The following SRF variants were observed in gnomAD, a reference collection of about 807,000 sequenced individuals.
SRF encodes the protein c-fos serum response element-binding transcription factor.
In SRF, 7 loss-of-function variants were observed where a neutral mutation model predicts 37.1. That is an observed-to-expected ratio of 0.19 (90% CI 0.11 to 0.35). The LOEUF is 0.35. Among genes scored for constraint, SRF ranks in the 10% least tolerant of loss-of-function variants. SRF has a pLI of 1.00. For missense variants in SRF, 395 were observed against 694.4 expected, an observed-to-expected ratio of 0.57 and a Z score of 4.85; for synonymous variants, 285 against 310.1, an observed-to-expected ratio of 0.92 and a Z score of 0.85.
At chr6:43,177,898 G>C (rs1360693931) in intron 4 of SRF, among the ~76,000 whole-genome samples, 1 of 143,760 alleles carries the variant, frequency 7.0e-6, no homozygotes, top group Non-Finnish European at 1.5e-5. Context: ...CTGGGTGACA[G>C]AGTGAGACTC....
intron 2 of SRF, 58 bp downstream of exon 2, chr6:43,174,171 T>C (rs772963836): frequency 3.2e-5 from 51 of 1,588,166 alleles, no homozygotes; most frequent in Non-Finnish European, 4.4e-5. Context: ...TCTCCCTTTC[T>C]GGCCCAGGAC....
Position 43,171,859 on chromosome 6 carries a change from C to G in SRF, c.203C>G (p.Pro68Arg). The change falls in exon 1 of 7, where the codon CCG becomes CGG. Residue 68 changes from proline to arginine, a missense_variant. This residue lies in a region of SRF where 134 missense variants were observed against 204.5 expected (regional missense o/e 0.66). Transcript: ENST00000265354. This position sits in a 1 kb window ranked among gnomAD's most constrained non-coding sequence, Gnocchi z 6.5. ...GCTGCGGCAGCGGCGGCAACCACCC[C>G]GGCGCCCACCGCGGGGGCCCTCTAC... ...REAAAAAATT[P>R]APTAGALYSG... 4.6e-6 allele frequency: 6 copies of G among 1,308,842 alleles called. No homozygotes were observed. The highest frequency in any genetic ancestry group is 5.8e-6 in the Non-Finnish European group (6 of 1,031,382). The allele number at this position is 1,308,842 out of a possible 1,614,324, so 81.1% of individuals were successfully genotyped here. A position where few individuals can be genotyped will look rare whatever the true frequency, so the allele number is the denominator to read the frequency against.
Position 43,172,180 on chromosome 6 carries a change from G to C in SRF, c.513+11G>C, listed in dbSNP as rs568225727. The C allele has an allele frequency of 2.5e-6, 4 of 1,606,258 alleles. No individual in the cohort carries two copies. Among genetic ancestry groups the C allele is most frequent in the East Asian group, 2.2e-5 (1 of 44,650 alleles). On this transcript the variant is annotated intron_variant, in intron 1 of 6. Transcript: ENST00000265354. This position sits in a 1 kb window ranked among gnomAD's most constrained non-coding sequence, Gnocchi z 5.7. ...GGCATCATGAAGAAGGTACCAAGCC[G>C]GGGGGCTGGCCGGCCCCGGGGCCCG...
At position 43,179,335 on chromosome 6, in the gene SRF, C is replaced by T; in HGVS notation, c.*145C>T. On this transcript the variant is annotated 3_prime_UTR_variant, in exon 7 of 7. Transcript: ENST00000265354. The surrounding 1 kb of genome is among the most constrained non-coding windows in gnomAD (Gnocchi z 5.3). ...GGGCAGCCACAGGACTGAGCCCTCT[C>T]ACTCCAGCCAAAGAAATGGGCCTGC... The T allele has an allele frequency of 1.3e-6, 1 of 791,912 alleles. No homozygotes were observed. The highest frequency in any genetic ancestry group is 2.4e-5 in the Admixed American group (1 of 42,296). The allele number at this position is 791,912 out of a possible 1,614,324, so 49.1% of individuals were successfully genotyped here.
Position 43,176,720 on chromosome 6 carries a change from A to G in SRF, c.1162+53A>G. The G allele has an allele frequency of 5.0e-6, 8 of 1,592,310 alleles. No individual in the cohort carries two copies. Among genetic ancestry groups the G allele is most frequent in the Non-Finnish European group, 6.0e-6 (7 of 1,165,464 alleles). ...CTCCCTGCCTTCCCCCACGAGGCCT[A>G]GCAGTAGGTGCCCAACAGTAACCCT... On this transcript the variant is annotated intron_variant, in intron 4 of 6. Transcript: ENST00000265354. This position sits in a 1 kb window ranked among gnomAD's most constrained non-coding sequence, Gnocchi z 4.0.
In SRF at chr6:43,179,844, C is replaced by T. The variant is rs2150498385; in HGVS notation, c.*654C>T. On this transcript the variant is annotated 3_prime_UTR_variant, in exon 7 of 7. Transcript: ENST00000265354. The surrounding 1 kb of genome is among the most constrained non-coding windows in gnomAD (Gnocchi z 5.3). Reference sequence around the variant, plus strand: ...GGGAACCACCAGCGTTCCCTTCTCCCCCTTGTCTTCCCCCCTCTCCTCCCA... The same window carrying T: ...GGGAACCACCAGCGTTCCCTTCTCCTCCTTGTCTTCCCCCCTCTCCTCCCA... The T allele has an allele frequency of 6.5e-6, 1 of 152,864 alleles. No individual in the cohort carries two copies. Among genetic ancestry groups the T allele is most frequent in the East Asian group, 1.9e-4 (1 of 5,182 alleles). 9.5% of individuals were successfully genotyped at this position (152,864 alleles called of 1,614,324 possible). A position where few individuals can be genotyped will look rare whatever the true frequency, so the allele number is the denominator to read the frequency against.
At position 43,176,420 on chromosome 6, in the gene SRF, T is replaced by G. The variant is rs1330829728; in HGVS notation, c.1043-128T>G. On this transcript the variant is annotated intron_variant, in intron 3 of 6. Coordinates refer to ENST00000265354, the MANE Select transcript of SRF (RefSeq NM_003131.4). This position sits in a 1 kb window ranked among gnomAD's most constrained non-coding sequence, Gnocchi z 4.0. The stretch of plus-strand genomic sequence containing the variant: ...CTTGGGCCTGAAGGGCCTCTTTGGC[T>G]TCCAGGAAAGATAGTGATGGGAGTT... The G allele has an allele frequency of 1.4e-6, 2 of 1,460,736 alleles. No homozygotes were observed. Among genetic ancestry groups the G allele is most frequent in the African/African-American group, 2.8e-5 (2 of 71,234 alleles). The allele number at this position is 1,460,736 out of a possible 1,614,324, so 90.5% of individuals were successfully genotyped here.
rs767353248 is a variant in SRF at position 43,173,844 on chromosome 6, C to T, written c.514-3C>T. 113 of 1,613,052 alleles carry T rather than the reference C, an allele frequency of 7.0e-5. 1 individual carries two copies. In the Middle Eastern group the frequency reaches 2.6e-3, roughly 38 times the overall value. On this transcript the variant is annotated splice_region_variant and splice_polypyrimidine_tract_variant and intron_variant, in intron 1 of 6. Coordinates refer to ENST00000265354, the MANE Select transcript of SRF (RefSeq NM_003131.4). This position sits in a 1 kb window ranked among gnomAD's most constrained non-coding sequence, Gnocchi z 4.2. ...CCTGCCCATCTCCCTCCTCACCCCT[C>T]AGGCCTATGAGCTGTCCACGCTGAC... is the stretch of plus-strand genomic sequence containing the variant.
chr6:43,178,828 G>A lies in SRF; in HGVS notation c.1377G>A (p.Leu459=). The stretch of plus-strand genomic sequence containing the variant: ...TAGGTGGCGTCCCCCAGGTGTTCCT[G>A]ACAGCATCATCTGGGACAGTGCAGA... The part of the protein sequence containing the change: ...QEPGGVPQVF[L]TASSGTVQIP... Residue 459 remains leucine (L), a synonymous_variant, in exon 6 of 7, where the codon CTG becomes CTA. Coordinates refer to ENST00000265354, the MANE Select transcript of SRF (RefSeq NM_003131.4). This position sits in a 1 kb window ranked among gnomAD's most constrained non-coding sequence, Gnocchi z 4.3. The A allele has an allele frequency of 6.2e-7, 1 of 1,614,202 alleles. No individual in the cohort carries two copies. Among genetic ancestry groups the A allele is most frequent in the Non-Finnish European group, 8.5e-7 (1 of 1,180,030 alleles).
chr6:43,175,510 TATC>T (rs965414777), intron 2 of SRF, among the ~76,000 whole-genome samples, 193 bp from the exon 3 acceptor site: 1 of 152,214 alleles, frequency 6.6e-6, no homozygotes, highest in Non-Finnish European at 1.5e-5. Flanking sequence ...GGGTAGGTAT[TATC>T]CTCCTTTTAC....
rs1327768954 is a variant in SRF, at chr6:43,179,860, T to G, written c.*670T>G. 6.6e-6 allele frequency: 1 copy of G among 152,582 alleles called. No individual in the cohort carries two copies. Among genetic ancestry groups the G allele is most frequent in the Non-Finnish European group, 1.5e-5 (1 of 68,014 alleles). The allele number at this position is 152,582 out of a possible 1,614,324, so 9.5% of individuals were successfully genotyped here. ...CCCTTCTCCCCCTTGTCTTCCCCCC[T>G]CTCCTCCCAGCTGCTTTACTTAAAG... On this transcript the variant is annotated 3_prime_UTR_variant, in exon 7 of 7. Coordinates refer to ENST00000265354, the MANE Select transcript of SRF (RefSeq NM_003131.4). This position sits in a 1 kb window ranked among gnomAD's most constrained non-coding sequence, Gnocchi z 5.3.
Position 43,171,707 on chromosome 6 carries a change from C to A in SRF, c.51C>A (p.Ala17=). ...CGGCGGCTCTGGGCCGGGGCTCGGCCCTGGGGGGCAGCCTGAACCGGACCC... is the reference window on the plus strand; with the variant it reads ...CGGCGGCTCTGGGCCGGGGCTCGGCACTGGGGGGCAGCCTGAACCGGACCC... ...GAAAALGRGS[A]LGGSLNRTPT... is the part of the protein sequence containing the mutation. Residue 17 remains alanine (A), a synonymous_variant, in exon 1 of 7, where the codon GCC becomes GCA. Transcript: ENST00000265354. The surrounding 1 kb of genome is among the most constrained non-coding windows in gnomAD (Gnocchi z 6.5). 1 of 1,206,776 alleles carries A rather than the reference C, an allele frequency of 8.3e-7. No individual in the cohort carries two copies. Among genetic ancestry groups the A allele is most frequent in the Non-Finnish European group, 1.0e-6 (1 of 971,016 alleles). 74.8% of individuals were successfully genotyped at this position (1,206,776 alleles called of 1,614,324 possible). A position where few individuals can be genotyped will look rare whatever the true frequency, so the allele number is the denominator to read the frequency against.
Position 43,176,776 on chromosome 6 carries a change from G to A in SRF, c.1162+109G>A. On this transcript the variant is annotated intron_variant, in intron 4 of 6. Coordinates refer to ENST00000265354, the MANE Select transcript of SRF (RefSeq NM_003131.4). The surrounding 1 kb of genome is among the most constrained non-coding windows in gnomAD (Gnocchi z 4.0). ...AACTAAAGTCAGGGGATTTCTTAAA[G>A]TGGAGATTGAGGCTTTGGGCCTAAT... 3 of 1,476,804 alleles carry A rather than the reference G, an allele frequency of 2.0e-6. No individual in the cohort carries two copies. Among genetic ancestry groups the A allele is most frequent in the Non-Finnish European group, 2.8e-6 (3 of 1,090,100 alleles). The allele number at this position is 1,476,804 out of a possible 1,614,324, so 91.5% of individuals were successfully genotyped here.
rs1772106658 is a variant in SRF, at chr6:43,171,822, C to A, written c.166C>A (p.Leu56Met). ...GNGAGLGPGRLEREAAAAAAT... is the reference protein window; with the variant it reads ...GNGAGLGPGRMEREAAAAAAT... ...TGGCGCGGGGCTCGGGCCCGGCCGCCTGGAGCGGGAGGCTGCGGCAGCGGC... is the reference window on the plus strand; with the variant it reads ...TGGCGCGGGGCTCGGGCCCGGCCGCATGGAGCGGGAGGCTGCGGCAGCGGC... The change falls in exon 1 of 7, where the codon CTG becomes ATG. Residue 56 changes from leucine to methionine, a missense_variant. By Grantham distance (15) the Leu-to-Met change is conservative. This residue lies in a region of SRF where 134 missense variants were observed against 204.5 expected (regional missense o/e 0.66). Coordinates refer to ENST00000265354, the MANE Select transcript of SRF (RefSeq NM_003131.4). This position sits in a 1 kb window ranked among gnomAD's most constrained non-coding sequence, Gnocchi z 6.5. 2 of 1,238,014 alleles carry A rather than the reference C, an allele frequency of 1.6e-6. No individual in the cohort carries two copies. The highest frequency in any genetic ancestry group is 2.0e-6 in the Non-Finnish European group (2 of 991,994). The allele number at this position is 1,238,014 out of a possible 1,614,324, so 76.7% of individuals were successfully genotyped here.
rs756446140 is a variant in SRF at position 43,178,379 on chromosome 6, G to C, written c.1248G>C (p.Met416Ile). The change falls in exon 5 of 7, where the codon ATG becomes ATC. Residue 416 changes from methionine (M) to isoleucine (I), a missense_variant. Coordinates refer to ENST00000265354, the MANE Select transcript of SRF (RefSeq NM_003131.4). The surrounding 1 kb of genome is among the most constrained non-coding windows in gnomAD (Gnocchi z 4.3). ...HMMYPSPHAV[M>I]YAPTSGLGDG... is the part of the protein sequence containing the mutation. ...TGTACCCTAGCCCGCATGCGGTGATGTATGCCCCCACCTCGGGCCTGGGTG... is the reference window on the plus strand; with the variant it reads ...TGTACCCTAGCCCGCATGCGGTGATCTATGCCCCCACCTCGGGCCTGGGTG... 1.9e-6 allele frequency: 3 copies of C among 1,614,050 alleles called. No individual in the cohort carries two copies. Among genetic ancestry groups the C allele is most frequent in the African/African-American group, 1.3e-5 (1 of 75,024 alleles).
intron 4 of SRF, among the ~76,000 whole-genome samples, chr6:43,177,653 C>T (rs914499437): frequency 6.6e-5 from 10 of 151,054 alleles, no homozygotes; most frequent in Non-Finnish European, 1.5e-4. Flanking sequence ...CGGTGGCTCA[C>T]GTCTGTAATC....
chr6:43,177,828 T>C (rs1772233599), intron 4 of SRF, among the ~76,000 whole-genome samples: 1 of 145,814 alleles, frequency 6.9e-6, no homozygotes, highest in African/African-American at 2.6e-5. Flanking sequence ...GGCAGGAGAA[T>C]GGCATGAGCC....
In SRF at chr6:43,175,637, TC is replaced by T. The variant is rs1333704631; in HGVS notation, c.781-67del. ...CACTGGTTTCAGTCTGGGTTCTCAGTCCACACAAAGCTTCTGCAAAGGCAGG... is the reference window on the plus strand; with the variant it reads ...CACTGGTTTCAGTCTGGGTTCTCAGTCACACAAAGCTTCTGCAAAGGCAGG... On this transcript the variant is annotated intron_variant, in intron 2 of 6. Coordinates refer to ENST00000265354, the MANE Select transcript of SRF (RefSeq NM_003131.4). 2.5e-6 allele frequency: 4 copies of T among 1,594,032 alleles called. No homozygotes were observed. The East Asian group carries it at 6.7e-5, about 27-fold the overall frequency.
Position 43,172,064 on chromosome 6 carries a change from G to C in SRF, c.408G>C (p.Pro136=), listed in dbSNP as rs774553319. The C allele has an allele frequency of 7.5e-6, 12 of 1,610,312 alleles. No individual in the cohort carries two copies. Among genetic ancestry groups the C allele is most frequent in the Non-Finnish European group, 1.0e-5 (12 of 1,179,078 alleles). ...GCGGCGCGGTGAGCGGGGCCAAGCCGGGTAAGAAGACCCGGGGCCGCGTGA... is the reference window on the plus strand; with the variant it reads ...GCGGCGCGGTGAGCGGGGCCAAGCCCGGTAAGAAGACCCGGGGCCGCGTGA... ...PVSGAVSGAK[P]GKKTRGRVKI... is the part of the protein sequence containing the mutation. Residue 136 remains proline (P), a synonymous_variant, in exon 1 of 7, where the codon CCG becomes CCC. Transcript: ENST00000265354. This position sits in a 1 kb window ranked among gnomAD's most constrained non-coding sequence, Gnocchi z 5.7.
Sources: gnomAD v4.1 joint callset for allele counts (sites outside exome capture counted in the v4.1 genomes callset) on GRCh38, gnomAD v4.1.1 for gene constraint, gnomAD v4.1.1 regional missense constraint, Gnocchi (gnomAD v3.1) non-coding constraint, MANE v1.5 for transcripts, NCBI Gene and HGNC (gene_info 2026-07-23, HGNC 2026-07-21) for gene names.